The following DLGAP2 variants were observed in gnomAD, a reference collection of about 807,000 sequenced individuals.
DLGAP2 encodes the protein DLG associated protein 2.
In DLGAP2, 26 loss-of-function variants were observed where a neutral mutation model predicts 100.3. That is an observed-to-expected ratio of 0.26 (90% CI 0.19 to 0.36). DLGAP2 has a LOEUF of 0.36. Ranked by LOEUF, DLGAP2 falls within the 10% of genes least tolerant of loss-of-function variation. The probability of loss-of-function intolerance (pLI) is 1.00; values close to 1 mark genes in which losing one functional copy is unlikely to be tolerated. For missense variants in DLGAP2, 1,858 were observed against 1,453.2 expected, an observed-to-expected ratio of 1.28 and a Z score of -4.53; for synonymous variants, 886 against 630.1, an observed-to-expected ratio of 1.41 and a Z score of -6.08.
intron 6 of DLGAP2, among the ~76,000 whole-genome samples, chr8:1,593,642 A>C (rs900454119): frequency 1.3e-5 from 2 of 151,996 alleles, no homozygotes; most frequent in African/African-American, 4.8e-5. Flanking sequence ...ACCTTCTCCC[A>C]GGGGAGGGAA....
chr8:1,169,551 A>G (rs1485810778), intron 2 of DLGAP2, among the ~76,000 whole-genome samples: 1 of 152,078 alleles, frequency 6.6e-6, no homozygotes, highest in Non-Finnish European at 1.5e-5. Context: ...ATCCTCTTTA[A>G]TTTCACTGAG....
At chr8:1,237,253 C>T (rs1367237335) in intron 2 of DLGAP2, among the ~76,000 whole-genome samples, 1 of 139,770 alleles carries the variant, frequency 7.2e-6, no homozygotes, top group African/African-American at 3.0e-5. Context: ...TTCTCTCTCA[C>T]ATGGTGCTAT....
intron 3 of DLGAP2, among the ~76,000 whole-genome samples, chr8:1,482,090 T>A (rs1000219704): frequency 1.3e-5 from 2 of 152,228 alleles, no homozygotes; most frequent in African/African-American, 4.8e-5. Flanking sequence ...AATGAAAGCA[T>A]CCAAGTGGCT....
At chr8:1,040,142 CTGCA>C (rs1802286852) in intron 2 of DLGAP2, among the ~76,000 whole-genome samples, 1 of 51,968 alleles carries the variant, frequency 1.9e-5, no homozygotes, top group African/African-American at 7.7e-5. Flanking sequence ...GGTCAGCTCG[CTGCA>C]CGTGTTCGGC....
chr8:1,160,630 C>G (rs1170479854), intron 2 of DLGAP2, among the ~76,000 whole-genome samples: 2 of 152,172 alleles, frequency 1.3e-5, no homozygotes, highest in African/African-American at 2.4e-5. Context: ...GATGGCTGCT[C>G]TCCGCTGGGC....
Position 1,640,923 on chromosome 8 carries a change from C to A in DLGAP2, c.1810+7877C>A, listed in dbSNP as rs73671282. On this transcript the variant is annotated intron_variant, in intron 8 of 14. Coordinates refer to ENST00000637795, the MANE Select transcript of DLGAP2 (RefSeq NM_001346810.2). ...TGTACTTTATCCGTTGTGCGCTAAG[C>A]CTATAGGATGAGTGGATGAAAGCCG... 2.8e-3 allele frequency among the ~76,000 whole-genome samples: 420 copies of A among 152,308 alleles called. 3 individuals are homozygous for A. The highest frequency in any genetic ancestry group is 9.7e-3 in the African/African-American group (405 of 41,560).
Position 1,644,113 on chromosome 8 carries a change from G to A in DLGAP2, c.1810+11067G>A, listed in dbSNP as rs1187667842. Among the ~76,000 whole-genome samples the A allele has an allele frequency of 1.4e-5, 2 of 140,458 alleles. 1 individual carries two copies. The highest frequency in any genetic ancestry group is 4.1e-4 in the East Asian group (2 of 4,870). 92.1% of individuals were successfully genotyped at this position (140,458 alleles called of 152,430 possible). A position where few individuals can be genotyped will look rare whatever the true frequency, so the allele number is the denominator to read the frequency against. On this transcript the variant is annotated intron_variant, in intron 8 of 14. Coordinates refer to ENST00000637795, the MANE Select transcript of DLGAP2 (RefSeq NM_001346810.2). ...CCTCACCTGTGTCACCCTCGACCCC[G>A]CCGGCCCTCACCTGTGTCACCCCTC...
intron 2 of DLGAP2, among the ~76,000 whole-genome samples, chr8:1,171,794 G>A (rs1797133987): frequency 1.3e-5 from 2 of 151,974 alleles, no homozygotes; most frequent in African/African-American, 4.8e-5. Context: ...CGTGAGATGG[G>A]TTTCCTGAAT....
intron 2 of DLGAP2, among the ~76,000 whole-genome samples, chr8:986,587 A>C (rs1800493425): frequency 6.6e-6 from 1 of 152,106 alleles, no homozygotes; most frequent in Non-Finnish European, 1.5e-5. Context: ...GGCAAGTGGA[A>C]GGAAGGACTG....
chr8:982,998 T>C (rs1299439242), intron 2 of DLGAP2, among the ~76,000 whole-genome samples: 1 of 151,824 alleles, frequency 6.6e-6, no homozygotes, highest in Non-Finnish European at 1.5e-5. Flanking sequence ...CCTATTTCTA[T>C]ATAGAGCCTC....
Position 1,549,669 on chromosome 8 carries a change from T to A in DLGAP2, c.1216T>A (p.Cys406Ser). 6.4e-7 allele frequency: 1 copy of A among 1,552,394 alleles called. No individual in the cohort carries two copies. The highest frequency in any genetic ancestry group is 1.2e-5 in the South Asian group (1 of 85,662). ...GGACGCCAAGCCCGCCCTGAGGCCG[T>A]GCCACTACCTCCAGGTAAGCAGGCT... ...HQDAKPALRP[C>S]HYLQVPQDEW... Residue 406 changes from cysteine to serine, a missense_variant, in exon 5 of 15, where the codon TGC becomes AGC. Transcript: ENST00000637795.
intron 1 of DLGAP2, among the ~76,000 whole-genome samples, chr8:867,218 C>A (rs1797515260): frequency 6.6e-6 from 1 of 152,218 alleles, no homozygotes; most frequent in Non-Finnish European, 1.5e-5. Flanking sequence ...AAGAAAAATG[C>A]TGAGTTTTCT....
At position 1,003,951 on chromosome 8, in the gene DLGAP2, T is replaced by C. The variant is rs145018328; in HGVS notation, c.73+95985T>C. Among the ~76,000 whole-genome samples, 29 of 152,334 alleles carry C rather than the reference T, an allele frequency of 1.9e-4. 2 individuals carry two copies. In the East Asian group the frequency reaches 5.0e-3, roughly 26 times the overall value. On this transcript the variant is annotated intron_variant, in intron 2 of 14. Transcript: ENST00000637795. The stretch of plus-strand genomic sequence containing the variant: ...AGCTTGGTGTCCCCCTCCCAAAAGA[T>C]TGTAAATTATTCCAGTGCCAGGAAT...
intron 7 of DLGAP2, among the ~76,000 whole-genome samples, chr8:1,632,144 G>C (rs910860418): frequency 1.3e-5 from 2 of 152,080 alleles, no homozygotes; most frequent in East Asian, 3.9e-4. Context: ...AATGAAGTGA[G>C]TATACTAATA....
chr8:1,089,260 C>T (rs1374389577), intron 2 of DLGAP2, among the ~76,000 whole-genome samples: 1 of 152,258 alleles, frequency 6.6e-6, no homozygotes, highest in Admixed American at 6.5e-5. Flanking sequence ...ATCTCTTAGG[C>T]CTGCACAGGC....
chr8:1,615,135 C>T (rs1271136149), intron 6 of DLGAP2, among the ~76,000 whole-genome samples: 1 of 152,086 alleles, frequency 6.6e-6, no homozygotes. Context: ...GGAGGGAGAC[C>T]CCAAAGTCTA....
chr8:1,299,074 T>C (rs190170328), intron 3 of DLGAP2, among the ~76,000 whole-genome samples: 420 of 152,346 alleles, frequency 2.8e-3, no homozygotes, highest in Non-Finnish European at 5.2e-3. Flanking sequence ...ATGTGAGCCT[T>C]GTGGGTAACT....
intron 7 of DLGAP2, among the ~76,000 whole-genome samples, chr8:1,631,415 T>C (rs1797642351): frequency 1.3e-5 from 2 of 152,126 alleles, no homozygotes; most frequent in African/African-American, 4.8e-5. Context: ...AATCTAAGAC[T>C]TTTCCATAAA....
intron 2 of DLGAP2, among the ~76,000 whole-genome samples, chr8:1,017,388 A>G (rs12381474): frequency 0.082 from 169 of 2,052 alleles, 6 homozygotes; most frequent in Admixed American, 0.1. Flanking sequence ...AGGACAGACG[A>G]TGCCTCCACT....
Sources: allele counts gnomAD v4.1 joint callset (sites outside exome capture counted in the v4.1 genomes callset), GRCh38; gene constraint gnomAD v4.1.1; transcripts MANE v1.5; gene names NCBI Gene and HGNC (gene_info 2026-07-23, HGNC 2026-07-21).